The following CES5A variants were observed in gnomAD, a reference collection of about 807,000 sequenced individuals.
CES5A encodes carboxylesterase 5.
Under a neutral mutation model 62.9 loss-of-function variants are expected in CES5A, and 67 were observed. The observed-to-expected ratio is 1.07, with a 90% CI of 0.88 to 1.31. CES5A has a LOEUF of 1.31. Ranked by LOEUF, CES5A falls within the 50% of genes most tolerant of loss-of-function variation. The pLI is 0.00. For synonymous variants in CES5A, 296 were observed against 280.8 expected (o/e 1.05, Z -0.54); for missense variants, 748 against 708.5 (o/e 1.06, Z -0.63).
chr16:55,926,200 A>AT (rs1350631140), upstream of CES5A, among the ~76,000 whole-genome samples: 1 of 152,208 alleles, frequency 6.6e-6, no homozygotes, highest in Non-Finnish European at 1.5e-5. Flanking sequence ...CTTACAAATT[A>AT]TGTGAATATA....
chr16:55,846,899 G>T, intron 11 of CES5A, 59 bp from the exon 12 acceptor site: 1 of 1,428,720 alleles, frequency 7.0e-7, no homozygotes, highest in Non-Finnish European at 9.9e-7. Flanking sequence ...AGCCCCGGGT[G>T]CCTTGTATTT....
rs1555487416 is a variant in CES5A at position 55,938,839 on chromosome 16, C to CACACATATATATATATACACATAT, written c.160+10945_160+10946insATATGTGTATATATATATATGTGT. On this transcript the variant is annotated intron_variant, in intron 2 of 13. Transcript: ENST00000521992. ...ATACACACACATATATATATATACACATATATATATGTAGATATGTATTAA... is the reference window on the plus strand; with the variant it reads ...ATACACACACATATATATATATACACACACATATATATATATACACATATATATATATATGTAGATATGTATTAA... Among the ~76,000 whole-genome samples, 457 of 120,068 alleles carry CACACATATATATATATACACATAT rather than the reference C, an allele frequency of 3.8e-3. 10 individuals carry two copies. The highest frequency in any genetic ancestry group is 0.014 in the African/African-American group (427 of 29,952). 78.8% of individuals were successfully genotyped at this position (120,068 alleles called of 152,430 possible).
At chr16:55,897,097 T>C (rs1442964361) in intron 1 of CES5A, among the ~76,000 whole-genome samples, 1 of 151,244 alleles carries the variant, frequency 6.6e-6, no homozygotes, top group Admixed American at 6.6e-5. Context: ...TTCTCACTGC[T>C]GTGGAAAGAG....
chr16:55,912,457 G>T (rs905661004), intron 1 of CES5A, among the ~76,000 whole-genome samples: 1 of 152,152 alleles, frequency 6.6e-6, no homozygotes, highest in African/African-American at 2.4e-5. Context: ...CACCAAGGGG[G>T]TGCTCAGAAA....
chr16:55,917,744 A>G (rs2034161949), intron 1 of CES5A, among the ~76,000 whole-genome samples: 1 of 152,196 alleles, frequency 6.6e-6, no homozygotes, highest in African/African-American at 2.4e-5. Context: ...CATTAAATCC[A>G]GCCCACACTC....
At chr16:55,858,142 T>C (rs11076124) in intron 8 of CES5A, among the ~76,000 whole-genome samples, 49,945 of 152,054 alleles carry the variant, frequency 0.33, 9,412 homozygotes, top group African/African-American at 0.52. Context: ...GAGGTTGCAG[T>C]GAGCCAAGAT....
intron 2 of CES5A, among the ~76,000 whole-genome samples, chr16:55,939,087 T>A (rs2034419543): frequency 6.6e-6 from 1 of 151,998 alleles, no homozygotes; most frequent in African/African-American, 2.4e-5. Context: ...TTCCTCAATG[T>A]GCCCTTTTAC....
chr16:55,884,709 A>C (rs2033797087), intron 1 of CES5A, among the ~76,000 whole-genome samples: 1 of 152,004 alleles, frequency 6.6e-6, no homozygotes, highest in Admixed American at 6.6e-5. Flanking sequence ...CTCCTTCCTC[A>C]GCCTCCCAAG....
chr16:55,894,880 T>C (rs1230417770), intron 1 of CES5A, among the ~76,000 whole-genome samples: 1 of 152,184 alleles, frequency 6.6e-6, no homozygotes, highest in Non-Finnish European at 1.5e-5. Flanking sequence ...AAGAGTCCCT[T>C]GTTGTGAATC....
chr16:55,875,390 A>C, upstream of CES5A: 1 of 1,395,584 alleles, frequency 7.2e-7, no homozygotes. Flanking sequence ...AAAGGAATTG[A>C]CTAAGCAAGA....
At chr16:55,862,890 T>G (rs193103545) in intron 6 of CES5A, among the ~76,000 whole-genome samples, 2 of 152,302 alleles carry the variant, frequency 1.3e-5, no homozygotes, top group East Asian at 3.9e-4. Flanking sequence ...AAGAGACAGA[T>G]GACAAATATC....
intron 2 of CES5A, among the ~76,000 whole-genome samples, chr16:55,940,691 C>A (rs1052266790): frequency 6.6e-6 from 1 of 151,510 alleles, no homozygotes; most frequent in Admixed American, 6.6e-5. Flanking sequence ...AGCCTGTATA[C>A]CAAAAACATA....
chr16:55,896,122 T>C (rs1194637591), intron 1 of CES5A, among the ~76,000 whole-genome samples: 1 of 152,136 alleles, frequency 6.6e-6, no homozygotes, highest in African/African-American at 2.4e-5. Context: ...ACAATCATGG[T>C]AAAAGGTGAA....
chr16:55,915,198 A>G (rs2142453818), intron 1 of CES5A, among the ~76,000 whole-genome samples: 1 of 152,206 alleles, frequency 6.6e-6, no homozygotes, highest in Middle Eastern at 3.4e-3. Flanking sequence ...CCTCATTGCC[A>G]TTCACACTGG....
At chr16:55,847,380 C>G (rs191574989) in intron 11 of CES5A, among the ~76,000 whole-genome samples, 50 of 151,880 alleles carry the variant, frequency 3.3e-4, no homozygotes, top group African/African-American at 1.1e-3. Flanking sequence ...GCTTCTCTCT[C>G]TTTTCCTTCT....
intron 1 of CES5A, among the ~76,000 whole-genome samples, chr16:55,906,189 C>G (rs2034038644): frequency 6.6e-6 from 1 of 152,220 alleles, no homozygotes; most frequent in African/African-American, 2.4e-5. Flanking sequence ...CCCTGGTAAC[C>G]AGAAAGACAC....
chr16:55,955,226 A>G (rs1027181547), intron 1 of CES5A, among the ~76,000 whole-genome samples: 1 of 152,152 alleles, frequency 6.6e-6, no homozygotes, highest in Non-Finnish European at 1.5e-5. Flanking sequence ...TCTTTTTCAA[A>G]TACCAATAAG....
In CES5A at chr16:55,911,919, A is replaced by G. The variant is rs141826087; in HGVS notation, c.-256+13404T>C. ...GGGGCTGCCAGGGAGAGGGATGTGT[A>G]TTCTTTGGTCTAGTTGAATTCAGAG... On this transcript the variant is annotated intron_variant, in intron 1 of 12. Transcript: ENST00000518005. Among the ~76,000 whole-genome samples the G allele has an allele frequency of 2.0e-5, 3 of 152,300 alleles. No homozygotes were observed. The East Asian group carries it at 5.8e-4, about 29-fold the overall frequency.
chr16:55,911,221 T>C (rs1348479466), intron 1 of CES5A, among the ~76,000 whole-genome samples: 1 of 152,196 alleles, frequency 6.6e-6, no homozygotes, highest in Non-Finnish European at 1.5e-5. Flanking sequence ...GTCCCAGGTA[T>C]ATCTGTGCTC....
Sources: allele counts gnomAD v4.1 joint callset (sites outside exome capture counted in the v4.1 genomes callset), GRCh38; gene constraint gnomAD v4.1.1; transcripts MANE v1.5; gene names NCBI Gene and HGNC (gene_info 2026-07-23, HGNC 2026-07-21).